APBB1IP: variants seen among roughly 807,000 people sequenced by gnomAD.
APBB1IP encodes the protein amyloid beta A4 precursor protein-binding family B member 1-interacting protein.
APBB1IP carries 27 observed loss-of-function variants against 64.9 expected under a neutral mutation model. That is an observed-to-expected ratio of 0.42 (90% CI 0.31 to 0.57). APBB1IP has a LOEUF of 0.57. Among genes scored for constraint, APBB1IP ranks in the 20% least tolerant of loss-of-function variants. The pLI, the probability that APBB1IP is intolerant of heterozygous loss-of-function variation, is 0.20. For synonymous variants in APBB1IP, 392 were observed against 331.0 expected, an observed-to-expected ratio of 1.18 and a Z score of -2.00; for missense variants, 812 against 845.5, an observed-to-expected ratio of 0.96 and a Z score of 0.49.
At chr10:26,562,921 A>G (rs1836992499) in intron 14 of APBB1IP, among the ~76,000 whole-genome samples, 1 of 152,238 alleles carries the variant, frequency 6.6e-6, no homozygotes, top group African/African-American at 2.4e-5. Context: ...CTAGAATCAA[A>G]AGTTAAAACC....
intron 4 of APBB1IP, among the ~76,000 whole-genome samples, chr10:26,499,706 G>A (rs143052160): frequency 5.6e-4 from 85 of 151,888 alleles, no homozygotes; most frequent in Non-Finnish European, 1.0e-3. Flanking sequence ...CAACATTCAG[G>A]ATCACACATC....
chr10:26,524,557 G>A (rs1296671641), intron 8 of APBB1IP, among the ~76,000 whole-genome samples: 2 of 152,170 alleles, frequency 1.3e-5, no homozygotes, highest in East Asian at 3.8e-4. Context: ...ATATTTCAGG[G>A]AGACAGGAAT....
chr10:26,491,865 G>A (rs112903628), intron 2 of APBB1IP, among the ~76,000 whole-genome samples: 13,604 of 150,208 alleles, frequency 0.091, 698 homozygotes, highest in Middle Eastern at 0.17. Flanking sequence ...GGGTTCAAGC[G>A]ATTTTCCTGC....
chr10:26,457,020 T>C (rs749436474), intron 2 of APBB1IP, among the ~76,000 whole-genome samples: 13 of 152,180 alleles, frequency 8.5e-5, no homozygotes, highest in Non-Finnish European at 1.8e-4. Context: ...GTGAAGGTTA[T>C]TGGGCTATAG....
intron 3 of APBB1IP, 142 bp downstream of exon 3, chr10:26,492,540 C>A: frequency 1.4e-6 from 1 of 720,220 alleles, no homozygotes; most frequent in Non-Finnish European, 2.3e-6. Context: ...AGGTTCTTTT[C>A]TATTTTCCCT....
intron 2 of APBB1IP, among the ~76,000 whole-genome samples, chr10:26,441,314 A>G (rs1835335620): frequency 6.6e-6 from 1 of 152,202 alleles, no homozygotes; most frequent in Non-Finnish European, 1.5e-5. Flanking sequence ...CGTGAGAAAC[A>G]TGACTTTTAG....
intron 8 of APBB1IP, among the ~76,000 whole-genome samples, chr10:26,524,955 C>CTTTTTTTTTTTTT (rs56982662): frequency 3.0e-4 from 22 of 73,954 alleles, no homozygotes; most frequent in East Asian, 5.5e-4. Flanking sequence ...TTCTTTCTTT[C>CTTTTTTTTTTTTT]TTTTTTTTTT....
intron 12 of APBB1IP, 53 bp downstream of exon 12, chr10:26,560,256 G>C: frequency 6.6e-7 from 1 of 1,523,220 alleles, no homozygotes; most frequent in Non-Finnish European, 9.1e-7. Context: ...CCAACTTCCT[G>C]ACCTGGGCAC....
intron 2 of APBB1IP, among the ~76,000 whole-genome samples, chr10:26,472,480 T>C (rs913590867): frequency 3.9e-5 from 6 of 152,216 alleles, no homozygotes; most frequent in Non-Finnish European, 8.8e-5. Context: ...ACTCCTGCAC[T>C]GATAACCAGG....
chr10:26,443,903 C>T (rs186076691), intron 2 of APBB1IP, among the ~76,000 whole-genome samples: 21 of 152,194 alleles, frequency 1.4e-4, no homozygotes, highest in East Asian at 7.7e-4. Flanking sequence ...CTATTATAGA[C>T]GCAAGGAATG....
At chr10:26,448,860 C>T (rs968174237) in intron 2 of APBB1IP, among the ~76,000 whole-genome samples, 2 of 152,164 alleles carry the variant, frequency 1.3e-5, no homozygotes, top group African/African-American at 4.8e-5. Context: ...AACCCACATC[C>T]GGCAAAATGT....
At chr10:26,532,448 T>G (rs1836566420) in intron 8 of APBB1IP, among the ~76,000 whole-genome samples, 1 of 152,048 alleles carries the variant, frequency 6.6e-6, no homozygotes, top group African/African-American at 2.4e-5. Flanking sequence ...AGACCATGAG[T>G]CCACTTGTGA....
chr10:26,560,840 T>C lies in APBB1IP; in HGVS notation c.1365T>C (p.Ser455=), dbSNP rs1836959263. 1 of 1,589,070 alleles carries C rather than the reference T, an allele frequency of 6.3e-7. No homozygotes were observed. The highest frequency in any genetic ancestry group is 1.7e-4 in the Middle Eastern group (1 of 5,892). ...TVNAAAPAQP[S]TGPKTGTTQP... ...ATGCAGCTGCACCAGCTCAGCCATCTACAGGTACTAAGTGGAGGAGAAATT... is the reference window on the plus strand; with the variant it reads ...ATGCAGCTGCACCAGCTCAGCCATCCACAGGTACTAAGTGGAGGAGAAATT... Residue 455 remains serine (S), a synonymous_variant, in exon 13 of 15, where the codon TCT becomes TCC. Transcript: ENST00000376236.
At chr10:26,527,569 C>A (rs1400552066) in intron 8 of APBB1IP, among the ~76,000 whole-genome samples, 1 of 149,890 alleles carries the variant, frequency 6.7e-6, no homozygotes. Flanking sequence ...GAAAAAAATA[C>A]TATCTCAGAA....
intron 5 of APBB1IP, among the ~76,000 whole-genome samples, chr10:26,502,560 T>G (rs1391153864): frequency 6.6e-6 from 1 of 150,840 alleles, no homozygotes; most frequent in Non-Finnish European, 1.5e-5. Context: ...GAGAATGGGG[T>G]GAACCCAGGA....
rs1266073440 is a variant in APBB1IP, at chr10:26,438,777, T to A, written c.-77T>A. The A allele has an allele frequency of 1.3e-5, 2 of 152,544 alleles. No homozygotes were observed. Among genetic ancestry groups the A allele is most frequent in the African/African-American group, 4.8e-5 (2 of 41,444 alleles). 9.4% of individuals were successfully genotyped at this position (152,544 alleles called of 1,614,324 possible). On this transcript the variant is annotated 5_prime_UTR_variant, in exon 2 of 15. Transcript: ENST00000376236. Reference sequence around the variant, plus strand: ...GCGACCTGGAGCCCGGGTGCGGCAGTCTGCACCGCGCGTCGCTTTCCCGGC... The same window carrying A: ...GCGACCTGGAGCCCGGGTGCGGCAGACTGCACCGCGCGTCGCTTTCCCGGC...
chr10:26,462,808 T>A (rs1589193599), intron 2 of APBB1IP, among the ~76,000 whole-genome samples: 2 of 152,232 alleles, frequency 1.3e-5, no homozygotes, highest in East Asian at 3.8e-4. Flanking sequence ...CCACTCAATT[T>A]CCTCTGGGGT....
intron 2 of APBB1IP, among the ~76,000 whole-genome samples, chr10:26,458,318 GCGGAGGTTGCAGTGAGC>G (rs771864535): frequency 6.6e-6 from 1 of 152,100 alleles, no homozygotes; most frequent in Non-Finnish European, 1.5e-5. Context: ...AACCTAGGAG[GCGGAGGTTGCAGTGAGC>G]CAAGATCTTG....
At chr10:26,561,064 C>CTTTCTTTTTTTTTTTTTTTTTTTTTT (rs1218039459) in intron 13 of APBB1IP, among the ~76,000 whole-genome samples, 1 of 69,208 alleles carries the variant, frequency 1.4e-5, no homozygotes. Context: ...TTCTTTCTTT[C>CTTTCTTTTTTTTTTTTTTTTTTTTTT]TTTTTTTTTT....
Sources: gnomAD v4.1 joint callset for allele counts (sites outside exome capture counted in the v4.1 genomes callset) on GRCh38, gnomAD v4.1.1 for gene constraint, MANE v1.5 for transcripts, NCBI Gene and HGNC (gene_info 2026-07-23, HGNC 2026-07-21) for gene names.